The following WDR70 variants were observed in gnomAD, a reference collection of about 807,000 sequenced individuals.
The protein encoded by WDR70 is WD repeat-containing protein 70.
A neutral mutation model predicts 88.6 loss-of-function variants in WDR70; 53 were observed. That is an observed-to-expected ratio of 0.60 (90% CI 0.48 to 0.75). The LOEUF is 0.75. WDR70 is among the 30% of genes least tolerant of loss of function. The pLI, the probability that WDR70 is intolerant of heterozygous loss-of-function variation, is 0.00. For missense variants in WDR70, 610 were observed against 823.2 expected (o/e 0.74, Z 3.17); for synonymous variants, 280 against 270.0 (o/e 1.04, Z -0.36).
At chr5:37,637,453 A>T (rs1424265791) in intron 10 of WDR70, among the ~76,000 whole-genome samples, 2 of 152,172 alleles carry the variant, frequency 1.3e-5, no homozygotes, top group Non-Finnish European at 2.9e-5. Context: ...AGCAGGGTTA[A>T]GTCAGCTCAC....
At chr5:37,503,751 G>GT (rs772531916) in intron 8 of WDR70, among the ~76,000 whole-genome samples, 36 of 91,180 alleles carry the variant, frequency 3.9e-4, no homozygotes, top group African/African-American at 9.5e-4. Flanking sequence ...CCTGAGTTTT[G>GT]TTTTTTTTTT....
At chr5:37,462,951 C>G (rs1003266344) in intron 7 of WDR70, among the ~76,000 whole-genome samples, 6 of 152,056 alleles carry the variant, frequency 3.9e-5, no homozygotes, top group African/African-American at 1.4e-4. Context: ...GTGTTGCCAT[C>G]TAGTCTTGTC....
intron 10 of WDR70, among the ~76,000 whole-genome samples, chr5:37,697,266 A>C (rs1030127800): frequency 6.6e-6 from 1 of 152,236 alleles, no homozygotes; most frequent in African/African-American, 2.4e-5. Flanking sequence ...GGGGTAAATA[A>C]ATAATGTGCT....
chr5:37,578,451 T>C (rs1743118467), intron 9 of WDR70, among the ~76,000 whole-genome samples: 1 of 152,180 alleles, frequency 6.6e-6, no homozygotes, highest in African/African-American at 2.4e-5. Context: ...ACATGTGGAC[T>C]CTGTCTTTTT....
At chr5:37,737,146 T>G (rs1479107578) in intron 17 of WDR70, among the ~76,000 whole-genome samples, 1 of 152,174 alleles carries the variant, frequency 6.6e-6, no homozygotes. Flanking sequence ...AATGATACTT[T>G]TATTTTACTT....
chr5:37,436,894 T>A (rs974432), intron 5 of WDR70, among the ~76,000 whole-genome samples: 1 of 151,978 alleles, frequency 6.6e-6, no homozygotes, highest in African/African-American at 2.4e-5. Context: ...TTAAGTAGAT[T>A]GTGAGATGAT....
intron 8 of WDR70, among the ~76,000 whole-genome samples, chr5:37,507,812 G>A (rs1740606948): frequency 1.3e-5 from 2 of 151,852 alleles, no homozygotes; most frequent in South Asian, 4.2e-4. Context: ...AATATTTTTT[G>A]GTTTCTAACT....
At chr5:37,570,768 T>G (rs1406388296) in intron 9 of WDR70, among the ~76,000 whole-genome samples, 1 of 152,204 alleles carries the variant, frequency 6.6e-6, no homozygotes, top group Non-Finnish European at 1.5e-5. Flanking sequence ...ACCCTTTGTT[T>G]CTAAGCACAA....
chr5:37,416,962 C>A (rs981081473), intron 5 of WDR70, among the ~76,000 whole-genome samples: 1 of 152,192 alleles, frequency 6.6e-6, no homozygotes, highest in Admixed American at 6.5e-5. Flanking sequence ...AGTGTGCAGT[C>A]TTTTTAAAGC....
intron 10 of WDR70, among the ~76,000 whole-genome samples, chr5:37,672,095 G>A (rs1746042029): frequency 6.6e-6 from 1 of 152,156 alleles, no homozygotes; most frequent in African/African-American, 2.4e-5. Flanking sequence ...TGCAGGATGT[G>A]CCTTGTTAAC....
chr5:37,706,428 G>A (rs1447081315), intron 13 of WDR70, among the ~76,000 whole-genome samples: 1 of 152,082 alleles, frequency 6.6e-6, no homozygotes, highest in Non-Finnish European at 1.5e-5. Context: ...ATATGTTGTG[G>A]GAAGGACCTG....
intron 7 of WDR70, among the ~76,000 whole-genome samples, chr5:37,466,329 C>G (rs1273381858): frequency 5.7e-4 from 87 of 152,302 alleles, no homozygotes; most frequent in African/African-American, 2.1e-3. Flanking sequence ...AAAGTTGAGA[C>G]TGCTTTATAT....
intron 9 of WDR70, among the ~76,000 whole-genome samples, chr5:37,572,419 A>C (rs1355021838): frequency 3.9e-5 from 6 of 152,074 alleles, no homozygotes; most frequent in African/African-American, 1.4e-4. Context: ...CCAGAGTCCT[A>C]GAAGTTATCC....
At chr5:37,572,605 C>G (rs1742941092) in intron 9 of WDR70, among the ~76,000 whole-genome samples, 2 of 152,112 alleles carry the variant, frequency 1.3e-5, no homozygotes, top group South Asian at 4.1e-4. Flanking sequence ...CCTAAACTTC[C>G]TTTCTTTTAA....
At chr5:37,489,650 T>C (rs1262859613) in intron 8 of WDR70, among the ~76,000 whole-genome samples, 2 of 152,080 alleles carry the variant, frequency 1.3e-5, no homozygotes, top group African/African-American at 4.8e-5. Context: ...CATCTGGTAG[T>C]ACACACTCCT....
chr5:37,486,256 C>G (rs1739864945), intron 8 of WDR70, among the ~76,000 whole-genome samples: 1 of 152,152 alleles, frequency 6.6e-6, no homozygotes, highest in Non-Finnish European at 1.5e-5. Context: ...AAGTGCCTCT[C>G]AAACCCTCAT....
At chr5:37,614,847 CTT>C (rs1744287718) in intron 10 of WDR70, among the ~76,000 whole-genome samples, 2 of 152,128 alleles carry the variant, frequency 1.3e-5, no homozygotes, top group South Asian at 2.1e-4. Flanking sequence ...AATACAGAAA[CTT>C]ATACTAAACA....
chr5:37,539,716 C>T (rs112343554), intron 9 of WDR70, among the ~76,000 whole-genome samples: 239 of 152,314 alleles, frequency 1.6e-3, no homozygotes, highest in Middle Eastern at 3.4e-3. Context: ...TTGTTTGAGG[C>T]GTCTTACCAT....
chr5:37,563,505 G>A (rs1162673846), intron 9 of WDR70, among the ~76,000 whole-genome samples: 20 of 58,868 alleles, frequency 3.4e-4, no homozygotes, highest in South Asian at 7.4e-4. Context: ...AGGGGCGGCC[G>A]GGCAGAGGCG....
Sources: allele counts gnomAD v4.1 joint callset (sites outside exome capture counted in the v4.1 genomes callset), GRCh38; gene constraint gnomAD v4.1.1; transcripts MANE v1.5; gene names NCBI Gene and HGNC (gene_info 2026-07-23, HGNC 2026-07-21).